ASPHD2: variants seen among roughly 807,000 people sequenced by gnomAD.
The protein encoded by ASPHD2 is aspartate beta-hydroxylase domain-containing protein 2.
A neutral mutation model predicts 34.6 loss-of-function variants in ASPHD2; 12 were observed. The ratio of observed to expected loss-of-function variants is 0.35; its 90% CI spans 0.22 to 0.56. ASPHD2 has a LOEUF of 0.56. Ranked by LOEUF, ASPHD2 falls within the 20% of genes least tolerant of loss-of-function variation. The pLI is 0.87. For missense variants in ASPHD2, 375 were observed against 505.0 expected (o/e 0.74, Z 2.47); for synonymous variants, 224 against 212.2 (o/e 1.06, Z -0.48).
chr22:26,432,366 T>G (rs1456341254), intron 1 of ASPHD2, among the ~76,000 whole-genome samples: 1 of 152,196 alleles, frequency 6.6e-6, no homozygotes, highest in Non-Finnish European at 1.5e-5. Flanking sequence ...TTTTAAGCTG[T>G]GAGAGGGTAG....
intron 2 of ASPHD2, among the ~76,000 whole-genome samples, chr22:26,440,913 G>A (rs2084832094): frequency 6.6e-6 from 1 of 152,230 alleles, no homozygotes; most frequent in Non-Finnish European, 1.5e-5. Flanking sequence ...ATTTCTGGGG[G>A]TCCCCTGGTT....
At chr22:26,431,324 A>C (rs978031078) in intron 1 of ASPHD2, among the ~76,000 whole-genome samples, 2 of 152,068 alleles carry the variant, frequency 1.3e-5, no homozygotes, top group African/African-American at 4.8e-5. Flanking sequence ...CAAGGAGAGA[A>C]ACAGGGGGCT....
intron 2 of ASPHD2, among the ~76,000 whole-genome samples, chr22:26,435,706 G>A (rs1172645370): frequency 1.4e-5 from 2 of 139,566 alleles, no homozygotes; most frequent in Non-Finnish European, 3.1e-5. Context: ...GGATATCACT[G>A]CACTAAAAGA....
chr22:26,442,380 A>G, intron 2 of ASPHD2, 79 bp from the exon 3 acceptor site: 2 of 1,091,232 alleles, frequency 1.8e-6, no homozygotes, highest in Non-Finnish European at 2.7e-6. Context: ...AACTCTCAGT[A>G]AGGCAAATCA....
chr22:26,444,099 C>CTGAT lies in ASPHD2; in HGVS notation c.*894_*897dup, dbSNP rs1358660919. 1.3e-5 allele frequency: 2 copies of CTGAT among 152,172 alleles called. No individual in the cohort carries two copies. Among genetic ancestry groups the CTGAT allele is most frequent in the African/African-American group, 2.4e-5 (1 of 41,434 alleles). 9.4% of individuals were successfully genotyped at this position (152,172 alleles called of 1,614,324 possible). A position where few individuals can be genotyped will look rare whatever the true frequency, so the allele number is the denominator to read the frequency against. On this transcript the variant is annotated 3_prime_UTR_variant, in exon 4 of 4. Transcript: ENST00000215906. ...ATGAACGTTAAGGCCACCAGGTTGG[C>CTGAT]TGATAGGAGCTGTAGGGGGATAGGA...
chr22:26,433,372 A>ATT lies in ASPHD2; in HGVS notation c.-224-11_-224-10dup, dbSNP rs5844702. ...TTTTCCAGGTGTAAAATTTATGCTG[A>ATT]TTTTTTTTTTCCATCCCAGGTTTGG... On this transcript the variant is annotated intron_variant, in intron 1 of 3. Transcript: ENST00000215906. This position sits in a 1 kb window ranked among gnomAD's most constrained non-coding sequence, Gnocchi z 5.1. The ATT allele has an allele frequency of 0.011, 4,529 of 419,238 alleles. No homozygotes were observed. The highest frequency in any genetic ancestry group is 0.016 in the South Asian group (434 of 26,962). The allele number at this position is 419,238 out of a possible 1,614,324, so 26.0% of individuals were successfully genotyped here.
At chr22:26,438,542 T>A (rs923286362) in intron 2 of ASPHD2, among the ~76,000 whole-genome samples, 1 of 141,116 alleles carries the variant, frequency 7.1e-6, no homozygotes, top group Non-Finnish European at 1.5e-5. Context: ...TATATACACA[T>A]ACATATATAC....
At position 26,438,652 on chromosome 22, in the gene ASPHD2, C is replaced by CATATATATATACACATACATAT. The variant is rs1568984149; in HGVS notation, c.887-3796_887-3795insCACATACATATATATATATATA. 1.1e-4 allele frequency among the ~76,000 whole-genome samples: 13 copies of CATATATATATACACATACATAT among 122,564 alleles called. 1 individual carries two copies. Among genetic ancestry groups the CATATATATATACACATACATAT allele is most frequent in the African/African-American group, 4.1e-4 (13 of 31,618 alleles). 80.4% of individuals were successfully genotyped at this position (122,564 alleles called of 152,430 possible). On this transcript the variant is annotated intron_variant, in intron 2 of 3. Transcript: ENST00000215906. ...ATATATACATATATATATACACATA[C>CATATATATATACACATACATAT]ATATATATATATACACATACATACA...
chr22:26,438,587 A>C (rs2084813339), intron 2 of ASPHD2, among the ~76,000 whole-genome samples: 1 of 138,770 alleles, frequency 7.2e-6, no homozygotes, highest in South Asian at 2.2e-4. Flanking sequence ...ATATACATAC[A>C]TATATATACA....
intron 3 of ASPHD2, 69 bp from the exon 4 acceptor site, chr22:26,443,028 C>T: frequency 8.4e-7 from 1 of 1,185,230 alleles, no homozygotes; most frequent in Non-Finnish European, 1.3e-6. Context: ...GGGTCCAGCC[C>T]TGCCTGGATC....
chr22:26,432,224 C>T (rs969460064), intron 1 of ASPHD2, among the ~76,000 whole-genome samples: 3 of 152,156 alleles, frequency 2.0e-5, no homozygotes, highest in South Asian at 2.1e-4. Flanking sequence ...TTAGGAAAAG[C>T]GATCTGCCCA....
In ASPHD2 at chr22:26,444,596, T is replaced by TTA. The variant is rs1401039592; in HGVS notation, c.*1391_*1392insAT. ...ATAATGTATTATGAGCAGTGTCAGA[T>TTA]TTATAAAGCCGAGGAGTGGTTTGGA... On this transcript the variant is annotated 3_prime_UTR_variant, in exon 4 of 4. Coordinates refer to ENST00000215906, the MANE Select transcript of ASPHD2 (RefSeq NM_020437.5). 7 of 152,228 alleles carry TTA rather than the reference T, an allele frequency of 4.6e-5. No homozygotes were observed. The highest frequency in any genetic ancestry group is 2.9e-5 in the Non-Finnish European group (2 of 68,050). 9.4% of individuals were successfully genotyped at this position (152,228 alleles called of 1,614,324 possible).
Position 26,434,066 on chromosome 22 carries a change from G to C in ASPHD2, c.451G>C (p.Glu151Gln). 1 of 1,613,402 alleles carries C rather than the reference G, an allele frequency of 6.2e-7. No individual in the cohort carries two copies. Among genetic ancestry groups the C allele is most frequent in the Non-Finnish European group, 8.5e-7 (1 of 1,179,926 alleles). ...GGGCCGCATCCACAAGGGCATCCGC[G>C]AGCAGGGCCGGTACCTCAACAGCCG... ...GMGRIHKGIR[E>Q]QGRYLNSRPS... Residue 151 changes from glutamate to glutamine, a missense_variant, in exon 2 of 4, where the codon GAG (glutamate) becomes CAG (glutamine). By Grantham distance (29) the Glu-to-Gln change is conservative (BLOSUM62 2). Around this residue, in one of 3 missense-constraint regions of ASPHD2, gnomAD observed 223 missense variants for 257.8 expected, o/e 0.87. Transcript: ENST00000215906.
chr22:26,441,500 A>AAAT (rs71770252), intron 2 of ASPHD2, among the ~76,000 whole-genome samples: 1 of 150,150 alleles, frequency 6.7e-6, no homozygotes, highest in East Asian at 2.0e-4. Flanking sequence ...AAAAAAAAAA[A>AAAT]GATGTCAGGC....
rs116954726 is a variant in ASPHD2 at position 26,438,044 on chromosome 22, G to T, written c.886+3543G>T. ...GAGGCGGAGAACAAGAAGCAGGGGG[G>T]TGTCAAGCCAGCAGGCCAGGCCATT... On this transcript the variant is annotated intron_variant, in intron 2 of 3. Coordinates refer to ENST00000215906, the MANE Select transcript of ASPHD2 (RefSeq NM_020437.5). Among the ~76,000 whole-genome samples the T allele has an allele frequency of 2.2e-3, 335 of 152,292 alleles. 9 individuals carry two copies. In the East Asian group the frequency reaches 0.058, roughly 26 times the overall value.
chr22:26,440,777 G>GA (rs2084831131), intron 2 of ASPHD2, among the ~76,000 whole-genome samples: 1 of 152,088 alleles, frequency 6.6e-6, no homozygotes, highest in South Asian at 2.1e-4. Flanking sequence ...TAAAAGGCTA[G>GA]AACCCAAGGA....
Position 26,429,603 on chromosome 22 carries a change from G to GCGCCGC in ASPHD2, c.-225+131_-225+136dup, listed in dbSNP as rs1007703827. Reference sequence around the variant, plus strand: ...GCAGGCCCACGGCCCTCCCTTACCGGCGCCGCCGCCGCCGCCGCCCCCGCC... The same window carrying GCGCCGC: ...GCAGGCCCACGGCCCTCCCTTACCGGCGCCGCCGCCGCCGCCGCCGCCGCCCCCGCC... On this transcript the variant is annotated intron_variant, in intron 1 of 3. Transcript: ENST00000215906. This position sits in a 1 kb window ranked among gnomAD's most constrained non-coding sequence, Gnocchi z 4.5. The GCGCCGC allele has an allele frequency of 3.7e-4, 58 of 154,978 alleles. No homozygotes were observed. The highest frequency in any genetic ancestry group is 1.4e-3 in the South Asian group (8 of 5,704). 9.6% of individuals were successfully genotyped at this position (154,978 alleles called of 1,614,324 possible). A position where few individuals can be genotyped will look rare whatever the true frequency, so the allele number is the denominator to read the frequency against.
Position 26,434,050 on chromosome 22 carries a change from C to T in ASPHD2, c.435C>T (p.Ile145=). ...KRYSWSGMGR[I]HKGIREQGRY... ...ACTCCTGGTCCGGCATGGGCCGCAT[C>T]CACAAGGGCATCCGCGAGCAGGGCC... The change falls in exon 2 of 4, where the codon ATC becomes ATT. Residue 145 remains isoleucine, a synonymous_variant. Transcript: ENST00000215906. 2.5e-6 allele frequency: 4 copies of T among 1,613,536 alleles called. No homozygotes were observed. The highest frequency in any genetic ancestry group is 3.4e-6 in the Non-Finnish European group (4 of 1,179,972).
At position 26,442,055 on chromosome 22, in the gene ASPHD2, G is replaced by A. The variant is rs28583431; in HGVS notation, c.887-404G>A. Among the ~76,000 whole-genome samples the A allele has an allele frequency of 2.7e-3, 360 of 133,734 alleles. 6 individuals are homozygous for A. Among genetic ancestry groups the A allele is most frequent in the African/African-American group, 9.9e-3 (344 of 34,868 alleles). 87.7% of individuals were successfully genotyped at this position (133,734 alleles called of 152,430 possible). A position where few individuals can be genotyped will look rare whatever the true frequency, so the allele number is the denominator to read the frequency against. The stretch of plus-strand genomic sequence containing the variant: ...TGGGAGGTGGAGGTTGCGGTGAGCC[G>A]AGATCACACCACTGCATTCCAGCCT... On this transcript the variant is annotated intron_variant, in intron 2 of 3. Coordinates refer to ENST00000215906, the MANE Select transcript of ASPHD2 (RefSeq NM_020437.5).
Sources: gnomAD v4.1 joint callset for allele counts (sites outside exome capture counted in the v4.1 genomes callset) on GRCh38, gnomAD v4.1.1 for gene constraint, gnomAD v4.1.1 regional missense constraint, Gnocchi (gnomAD v3.1) non-coding constraint, MANE v1.5 for transcripts, NCBI Gene and HGNC (gene_info 2026-07-23, HGNC 2026-07-21) for gene names.